DACT1: variants seen among roughly 807,000 people sequenced by gnomAD.
DACT1 encodes the protein dapper homolog 1.
DACT1 carries 19 observed loss-of-function variants against 35.3 expected under a neutral mutation model. The observed-to-expected ratio is 0.54, with a 90% CI of 0.38 to 0.79. DACT1 has a LOEUF of 0.79. Among genes scored for constraint, DACT1 ranks in the 30% least tolerant of loss-of-function variants. The probability of loss-of-function intolerance (pLI) is 0.00; values close to 1 mark genes in which losing one functional copy is unlikely to be tolerated. For missense variants in DACT1, 1,143 were observed against 1,057.5 expected (o/e 1.08, Z -1.12); for synonymous variants, 545 against 466.7 (o/e 1.17, Z -2.16).
chr14:58,647,261 C>A lies in DACT1; in HGVS notation c.*127C>A. On this transcript the variant is annotated 3_prime_UTR_variant, in exon 4 of 4. Coordinates refer to ENST00000395153, the MANE Select transcript of DACT1 (RefSeq NM_001079520.2). ...AATGCTTTTTAAAAAAATATAAAAC[C>A]AAGGTAAATTATTGTTTCATCTTCA... 1 of 1,137,946 alleles carries A rather than the reference C, an allele frequency of 8.8e-7. No homozygotes were observed. The highest frequency in any genetic ancestry group is 1.6e-5 in the African/African-American group (1 of 63,082). The allele number at this position is 1,137,946 out of a possible 1,614,324, so 70.5% of individuals were successfully genotyped here.
At chr14:58,641,020 G>A (rs568963776) in intron 2 of DACT1, 152 bp downstream of exon 2, 23 of 827,890 alleles carry the variant, frequency 2.8e-5, no homozygotes, top group South Asian at 1.2e-4. Flanking sequence ...CAGTTTTATC[G>A]GAATAAGAGG....
At chr14:58,638,771 G>C in intron 1 of DACT1, 1 of 1,195,656 alleles carries the variant, frequency 8.4e-7, no homozygotes, top group Non-Finnish European at 1.0e-6. Context: ...TGTGTCTGGC[G>C]ACCTCGCGCG....
Position 58,638,441 on chromosome 14 carries a change from G to A in DACT1, c.239G>A (p.Gly80Glu), listed in dbSNP as rs1338304810. The A allele has an allele frequency of 1.5e-6, 2 of 1,339,420 alleles. No homozygotes were observed. The highest frequency in any genetic ancestry group is 1.5e-5 in the African/African-American group (1 of 66,316). The allele number at this position is 1,339,420 out of a possible 1,614,324, so 83.0% of individuals were successfully genotyped here. The change falls in exon 1 of 4, where the codon GGA becomes GAA. Residue 80 changes from glycine to glutamate, a missense_variant. Around this residue, in one of 3 missense-constraint regions of DACT1, gnomAD observed 1,054 missense variants for 958.8 expected, o/e 1.10. Coordinates refer to ENST00000395153, the MANE Select transcript of DACT1 (RefSeq NM_001079520.2). ...RGALRGAGGA[G>E]AAAPRAGELL... ...GCCCTGCGCGGCGCCGGGGGTGCGG[G>A]AGCCGCTGCGCCCCGCGCTGGGGAG...
chr14:58,645,428 T>C lies in DACT1; in HGVS notation c.694T>C (p.Tyr232His). Residue 232 changes from tyrosine to histidine, a missense_variant, in exon 4 of 4, where the codon TAT (tyrosine) becomes CAT (histidine). Around this residue, in one of 3 missense-constraint regions of DACT1, gnomAD observed 1,054 missense variants for 958.8 expected, o/e 1.10. Transcript: ENST00000395153. ...TAAAAACGGGAATGATGTATATCGCTATCCCAGTCCACTTCATGCTGTGGC... is the reference window on the plus strand; with the variant it reads ...TAAAAACGGGAATGATGTATATCGCCATCCCAGTCCACTTCATGCTGTGGC... ...VSKNGNDVYR[Y>H]PSPLHAVAVQ... 1.2e-6 allele frequency: 2 copies of C among 1,614,258 alleles called. No individual in the cohort carries two copies. The highest frequency in any genetic ancestry group is 1.3e-5 in the African/African-American group (1 of 75,068).
At chr14:58,640,676 A>G in intron 1 of DACT1, 60 bp from the exon 2 acceptor site, 3 of 1,599,214 alleles carry the variant, frequency 1.9e-6, no homozygotes, top group Non-Finnish European at 2.6e-6. Flanking sequence ...CTTAGAGTAG[A>G]CTTTCTGGTT....
Position 58,638,083 on chromosome 14 carries a change from C to T in DACT1, c.-120C>T. On this transcript the variant is annotated 5_prime_UTR_variant, in exon 1 of 4. Coordinates refer to ENST00000395153, the MANE Select transcript of DACT1 (RefSeq NM_001079520.2). ...CGAGGGCTTCTAGCCACCGTCCCCG[C>T]CAGCGCCGCGCCCCGCCACAGGGCG... is the stretch of plus-strand genomic sequence containing the variant. The T allele has an allele frequency of 9.2e-7, 1 of 1,088,844 alleles. No individual in the cohort carries two copies. The allele number at this position is 1,088,844 out of a possible 1,614,324, so 67.4% of individuals were successfully genotyped here.
Position 58,645,551 on chromosome 14 carries a change from G to GA in DACT1, c.818dup (p.Leu274AlafsTer55), listed in dbSNP as rs1566509463. On this transcript the variant is annotated frameshift_variant, in exon 4 of 4. Coordinates refer to ENST00000395153, the MANE Select transcript of DACT1 (RefSeq NM_001079520.2). LOFTEE classifies it low-confidence loss of function (END_TRUNC). ...TGCCAGTGACATTTGCGGTGGATCT[G>GA]AGCTAGATGCCGTCAAAACAGACAG... 6.2e-7 allele frequency: 1 copy of GA among 1,614,198 alleles called. No homozygotes were observed. The highest frequency in any genetic ancestry group is 8.5e-7 in the Non-Finnish European group (1 of 1,180,034).
chr14:58,640,884 C>T lies in DACT1; in HGVS notation c.478+16C>T, dbSNP rs187116384. The T allele has an allele frequency of 1.5e-5, 24 of 1,613,974 alleles. 1 individual carries two copies. The Admixed American group carries it at 3.3e-4, about 22-fold the overall frequency. On this transcript the variant is annotated intron_variant, in intron 2 of 3. Transcript: ENST00000395153. ...CCTAGCTCAGGTGAGTGATTGAGCACAAGGACAGAATTCTGCACTCTTGAG... is the reference window on the plus strand; with the variant it reads ...CCTAGCTCAGGTGAGTGATTGAGCATAAGGACAGAATTCTGCACTCTTGAG...
intron 3 of DACT1, among the ~76,000 whole-genome samples, chr14:58,645,005 A>G (rs571742322): frequency 6.6e-6 from 1 of 152,298 alleles, no homozygotes; most frequent in East Asian, 1.9e-4. Flanking sequence ...TCCCTCTATT[A>G]TGCAGTAGTT....
Position 58,647,091 on chromosome 14 carries a change from T to G in DACT1, c.2357T>G (p.Leu786Arg). The change falls in exon 4 of 4, where the codon CTC becomes CGC. Residue 786 changes from leucine to arginine, a missense_variant. By Grantham distance (102) the Leu-to-Arg change is moderately radical. Transcript: ENST00000395153. ...KASHNLKKKI[L>R]RFRSGSLKLM... ...TCACATAACCTCAAGAAGAAGATCC[T>G]CCGCTTTCGGTCTGGCTCTTTGAAA... The G allele has an allele frequency of 6.2e-7, 1 of 1,614,096 alleles. No individual in the cohort carries two copies.
At chr14:58,640,542 T>C (rs999754533) in intron 1 of DACT1, among the ~76,000 whole-genome samples, 194 bp from the exon 2 acceptor site, 1 of 152,228 alleles carries the variant, frequency 6.6e-6, no homozygotes, top group African/African-American at 2.4e-5. Flanking sequence ...CCACAAAATG[T>C]GAGAAAGTGG....
chr14:58,638,301 GA>G lies in DACT1; in HGVS notation c.101del (p.Lys34ArgfsTer78), dbSNP rs1165834446. The G allele has an allele frequency of 7.4e-7, 1 of 1,343,730 alleles. No homozygotes were observed. The highest frequency in any genetic ancestry group is 9.5e-7 in the Non-Finnish European group (1 of 1,051,876). The allele number at this position is 1,343,730 out of a possible 1,614,324, so 83.2% of individuals were successfully genotyped here. A position where few individuals can be genotyped will look rare whatever the true frequency, so the allele number is the denominator to read the frequency against. ...CGGAGCCCGAGGGGCGCTGGCGGGA[GA>G]AGGGCGAGGCAGACACCGAGCGGCA... ...TAEPEGRWREKGEADTERQRT... is the reference protein window; with the variant it reads ...TAEPEGRWREXGEADTERQRT... On this transcript the variant is annotated frameshift_variant, in exon 1 of 4. Transcript: ENST00000395153. LOFTEE classifies it high-confidence loss of function.
Position 58,638,545 on chromosome 14 carries a change from T to C in DACT1, c.343T>C (p.Leu115=), listed in dbSNP as rs1470503301. The change falls in exon 1 of 4, where the codon TTG becomes CTG. Residue 115 remains leucine, a splice_region_variant and synonymous_variant. Transcript: ENST00000395153. ...GAACATCTTGCTGCTAAGAAAGCAATTGGTAGGTCGTGCCCGAAGGTGGAG... is the reference window on the plus strand; with the variant it reads ...GAACATCTTGCTGCTAAGAAAGCAACTGGTAGGTCGTGCCCGAAGGTGGAG... The part of the protein sequence containing the change: ...EENILLLRKQ[L]NCLRRRDAGL... The C allele has an allele frequency of 3.7e-6, 5 of 1,342,792 alleles. No individual in the cohort carries two copies. The African/African-American group carries it at 6.0e-5, about 16-fold the overall frequency. 83.2% of individuals were successfully genotyped at this position (1,342,792 alleles called of 1,614,324 possible).
Position 58,641,714 on chromosome 14 carries a change from T to C in DACT1, c.601T>C (p.Leu201=), listed in dbSNP as rs142445185. The C allele has an allele frequency of 6.2e-7, 1 of 1,614,208 alleles. No individual in the cohort carries two copies. Among genetic ancestry groups the C allele is most frequent in the Non-Finnish European group, 8.5e-7 (1 of 1,180,030 alleles). ...CTTTTGCAGCCCCTTGGAGGCGACC[T>C]TGAGTCTCTCAGATGGTTGCCCCAA... is the stretch of plus-strand genomic sequence containing the variant. ...TCFCSPLEAT[L]SLSDGCPKSA... The change falls in exon 3 of 4, where the codon TTG becomes CTG. Residue 201 remains leucine, a synonymous_variant. Coordinates refer to ENST00000395153, the MANE Select transcript of DACT1 (RefSeq NM_001079520.2).
chr14:58,638,465 A>C lies in DACT1; in HGVS notation c.263A>C (p.Glu88Ala), dbSNP rs746776399. 2.9e-6 allele frequency: 4 copies of C among 1,357,250 alleles called. No individual in the cohort carries two copies. In the Admixed American group the frequency reaches 1.2e-4, roughly 42 times the overall value. The allele number at this position is 1,357,250 out of a possible 1,614,324, so 84.1% of individuals were successfully genotyped here. ...GAGAAAPRAG[E>A]LLGEAAQRSR... ...GGAGCCGCTGCGCCCCGCGCTGGGG[A>C]GCTACTGGGGGAGGCGGCGCAGCGC... The change falls in exon 1 of 4, where the codon GAG becomes GCG. Residue 88 changes from glutamate (E) to alanine (A), a missense_variant. Coordinates refer to ENST00000395153, the MANE Select transcript of DACT1 (RefSeq NM_001079520.2).
Position 58,646,039 on chromosome 14 carries a change from G to A in DACT1, c.1305G>A (p.Gly435=). ...CTCGGTGTTCCGCCATTGGGACAGG[G>A]GAGTCCCCTAAGGAAAGCGCTCAGC... The part of the protein sequence containing the change: ...EHARCSAIGT[G]ESPKESAQLS... The change falls in exon 4 of 4, where the codon GGG becomes GGA. Residue 435 remains glycine (G), a synonymous_variant. Transcript: ENST00000395153. 6.2e-7 allele frequency: 1 copy of A among 1,614,090 alleles called. No homozygotes were observed. The highest frequency in any genetic ancestry group is 1.7e-5 in the Admixed American group (1 of 60,026).
chr14:58,637,505 G>A (rs1157282580), upstream of DACT1, among the ~76,000 whole-genome samples: 1 of 152,258 alleles, frequency 6.6e-6, no homozygotes, highest in African/African-American at 2.4e-5. Flanking sequence ...AACTCGGTGT[G>A]AGTGGAAATG....
Position 58,647,191 on chromosome 14 carries a change from A to T in DACT1, c.*57A>T. ...TTTTTTTTCTTCTCCCTAGTTGCCA[A>T]AATTAAAAAGGTGGTGTTTTCATTT... On this transcript the variant is annotated 3_prime_UTR_variant, in exon 4 of 4. Coordinates refer to ENST00000395153, the MANE Select transcript of DACT1 (RefSeq NM_001079520.2). The T allele has an allele frequency of 6.4e-7, 1 of 1,568,290 alleles. No individual in the cohort carries two copies. The highest frequency in any genetic ancestry group is 8.6e-7 in the Non-Finnish European group (1 of 1,161,520).
Position 58,641,645 on chromosome 14 carries a change from T to G in DACT1, c.532T>G (p.Ser178Ala), listed in dbSNP as rs910784617. 6.2e-7 allele frequency: 1 copy of G among 1,614,184 alleles called. No homozygotes were observed. Among genetic ancestry groups the G allele is most frequent in the African/African-American group, 1.3e-5 (1 of 75,056 alleles). ...ASGSLSNSSN[S>A]VFSECLSSCH... ...AGGATCCCTTTCCAATTCCTCTAACTCGGTGTTCAGTGAGTGTTTATCCAG... is the reference window on the plus strand; with the variant it reads ...AGGATCCCTTTCCAATTCCTCTAACGCGGTGTTCAGTGAGTGTTTATCCAG... The change falls in exon 3 of 4, where the codon TCG becomes GCG. Residue 178 changes from serine (S) to alanine (A), a missense_variant. Physicochemically the swap from Ser to Ala is moderately conservative, Grantham distance 99. Transcript: ENST00000395153.
Sources: gnomAD v4.1 joint callset for allele counts (sites outside exome capture counted in the v4.1 genomes callset) on GRCh38, gnomAD v4.1.1 for gene constraint, gnomAD v4.1.1 regional missense constraint, MANE v1.5 for transcripts, NCBI Gene and HGNC (gene_info 2026-07-23, HGNC 2026-07-21) for gene names.